ST8SIA1: variants seen among roughly 807,000 people sequenced by gnomAD.
ST8SIA1 encodes ST8 alpha-N-acetyl-neuraminide alpha-2,8-sialyltransferase 1.
In ST8SIA1, 16 loss-of-function variants were observed where a neutral mutation model predicts 35.9. The observed-to-expected ratio is 0.45, with a 90% CI of 0.30 to 0.68. ST8SIA1 has a LOEUF of 0.68. Among genes scored for constraint, ST8SIA1 ranks in the 30% least tolerant of loss-of-function variants. The probability of loss-of-function intolerance (pLI) is 0.09; values close to 1 mark genes in which losing one functional copy is unlikely to be tolerated. For missense variants in ST8SIA1, 383 were observed against 453.6 expected (o/e 0.84, Z 1.41); for synonymous variants, 170 against 169.6 (o/e 1.00, Z -0.02).
At chr12:22,296,640 C>T (rs566070859) in intron 1 of ST8SIA1, among the ~76,000 whole-genome samples, 3 of 152,252 alleles carry the variant, frequency 2.0e-5, no homozygotes, top group South Asian at 2.1e-4. Flanking sequence ...AAATTCTGTT[C>T]GTCTGTTAAT....
chr12:22,203,060 A>G (rs1416861148), intron 4 of ST8SIA1, among the ~76,000 whole-genome samples: 1 of 152,202 alleles, frequency 6.6e-6, no homozygotes. Context: ...GTGACTGCTT[A>G]CAGCACTTAT....
At position 22,309,660 on chromosome 12, in the gene ST8SIA1, G is replaced by C. The variant is rs570344369; in HGVS notation, c.237-22367C>G. 2.0e-5 allele frequency among the ~76,000 whole-genome samples: 3 copies of C among 152,120 alleles called. 1 individual carries two copies. The highest frequency in any genetic ancestry group is 4.1e-4 in the South Asian group (2 of 4,822). The stretch of plus-strand genomic sequence containing the variant: ...AAGTATCTGTTTCTGGCTTCTGGTG[G>C]GAGGCTATGCTTCCAAACCTAGAAG... On this transcript the variant is annotated intron_variant, in intron 1 of 4. Transcript: ENST00000396037.
At chr12:22,307,068 C>T (rs1200429282) in intron 1 of ST8SIA1, among the ~76,000 whole-genome samples, 2 of 151,952 alleles carry the variant, frequency 1.3e-5, no homozygotes, top group Non-Finnish European at 2.9e-5. Context: ...TATTCTTCTG[C>T]CTCCTGCTTG....
chr12:22,267,502 A>C (rs1865862731), intron 2 of ST8SIA1, among the ~76,000 whole-genome samples: 1 of 152,198 alleles, frequency 6.6e-6, no homozygotes, highest in Non-Finnish European at 1.5e-5. Context: ...CTTACTGATA[A>C]AAAGGAAAAT....
At chr12:22,211,307 A>G (rs1485804974) in intron 4 of ST8SIA1, among the ~76,000 whole-genome samples, 1 of 152,158 alleles carries the variant, frequency 6.6e-6, no homozygotes, top group Non-Finnish European at 1.5e-5. Context: ...GCCACTGGTG[A>G]TCACCTCAAC....
At chr12:22,329,316 A>T (rs978843235) in intron 1 of ST8SIA1, among the ~76,000 whole-genome samples, 3 of 152,164 alleles carry the variant, frequency 2.0e-5, no homozygotes, top group Admixed American at 2.0e-4. Flanking sequence ...AAAACAAGGA[A>T]CATACACAAA....
rs970753002 is a variant in ST8SIA1 at position 22,197,058 on chromosome 12, G to C, written c.*4494C>G. 2 of 152,218 alleles carry C rather than the reference G, an allele frequency of 1.3e-5. No individual in the cohort carries two copies. The highest frequency in any genetic ancestry group is 4.8e-5 in the African/African-American group (2 of 41,440). The allele number at this position is 152,218 out of a possible 1,614,324, so 9.4% of individuals were successfully genotyped here. A position where few individuals can be genotyped will look rare whatever the true frequency, so the allele number is the denominator to read the frequency against. ...TCCTCCTAGCACATAGTGGAATGAA[G>C]TTGCTAGTTATGTTTACTGCTGACT... is the stretch of plus-strand genomic sequence containing the variant. On this transcript the variant is annotated 3_prime_UTR_variant, in exon 5 of 5. Transcript: ENST00000396037.
intron 1 of ST8SIA1, chr12:22,325,735 T>C: frequency 1.6e-6 from 1 of 626,272 alleles, no homozygotes; most frequent in Non-Finnish European, 2.8e-6. Flanking sequence ...ATTTATAAAT[T>C]AGGCACAGTA....
At position 22,195,188 on chromosome 12, in the gene ST8SIA1, C is replaced by CAAAAAAAAAAAAAAAAAAAAAAAAAAA. The variant is rs1193617871; in HGVS notation, c.*6363_*6364insTTTTTTTTTTTTTTTTTTTTTTTTTTT. The CAAAAAAAAAAAAAAAAAAAAAAAAAAA allele has an allele frequency of 2.0e-5, 1 of 51,034 alleles. No homozygotes were observed. The highest frequency in any genetic ancestry group is 3.9e-5 in the Non-Finnish European group (1 of 25,826). The allele number at this position is 51,034 out of a possible 1,614,324, so 3.2% of individuals were successfully genotyped here. On this transcript the variant is annotated 3_prime_UTR_variant, in exon 5 of 5. Coordinates refer to ENST00000396037, the MANE Select transcript of ST8SIA1 (RefSeq NM_003034.4). ...ACAAGAGCAAAAAACTCTGTCTCAA[C>CAAAAAAAAAAAAAAAAAAAAAAAAAAA]AAAAAAAAAAAAAAAAAAAAAAAAG...
chr12:22,256,985 A>G (rs1865735626), intron 2 of ST8SIA1, among the ~76,000 whole-genome samples: 1 of 152,196 alleles, frequency 6.6e-6, no homozygotes, highest in Non-Finnish European at 1.5e-5. Context: ...TTTATTCCAC[A>G]AGTATTTACA....
intron 1 of ST8SIA1, among the ~76,000 whole-genome samples, chr12:22,301,068 T>C (rs1341691344): frequency 6.6e-6 from 1 of 152,130 alleles, no homozygotes; most frequent in Non-Finnish European, 1.5e-5. Context: ...TAAATTATTG[T>C]GTGCCACAGA....
At chr12:22,232,408 G>C (rs1029884717) in intron 4 of ST8SIA1, among the ~76,000 whole-genome samples, 1 of 152,172 alleles carries the variant, frequency 6.6e-6, no homozygotes, top group Non-Finnish European at 1.5e-5. Flanking sequence ...CAAGGTTTTT[G>C]AGCTGAGCAA....
At chr12:22,207,533 G>A (rs1865126033) in intron 4 of ST8SIA1, among the ~76,000 whole-genome samples, 2 of 152,312 alleles carry the variant, frequency 1.3e-5, no homozygotes, top group East Asian at 1.9e-4. Flanking sequence ...ACTTGGGGGA[G>A]TGGGGGGCGG....
At position 22,334,095 on chromosome 12, in the gene ST8SIA1, G is replaced by A. The variant is rs1245722304; in HGVS notation, c.138C>T (p.Phe46=). The A allele has an allele frequency of 6.2e-7, 1 of 1,614,052 alleles. No homozygotes were observed. Among genetic ancestry groups the A allele is most frequent in the South Asian group, 1.1e-5 (1 of 91,062 alleles). ...CVVVLCWLYI[F]PVYRLPNEKE... is the part of the protein sequence containing the mutation. ...TCTCGTTGGGCAGCCGGTAGACGGG[G>A]AAGATGTAGAGCCAACAGAGGACCA... Residue 46 remains phenylalanine, a synonymous_variant, in exon 1 of 5, where the codon TTC becomes TTT. Coordinates refer to ENST00000396037, the MANE Select transcript of ST8SIA1 (RefSeq NM_003034.4).
At chr12:22,296,908 G>C (rs1167955663) in intron 1 of ST8SIA1, among the ~76,000 whole-genome samples, 1 of 152,152 alleles carries the variant, frequency 6.6e-6, no homozygotes, top group East Asian at 1.9e-4. Context: ...TGGGCTTTTA[G>C]ACATGTGCGC....
intron 1 of ST8SIA1, among the ~76,000 whole-genome samples, chr12:22,290,141 G>A (rs1591846039): frequency 6.6e-6 from 1 of 152,130 alleles, no homozygotes; most frequent in Non-Finnish European, 1.5e-5. Context: ...AATTCACAGC[G>A]ATCATACCAC....
At chr12:22,298,758 A>G (rs1866279420) in intron 1 of ST8SIA1, among the ~76,000 whole-genome samples, 1 of 152,142 alleles carries the variant, frequency 6.6e-6, no homozygotes, top group Non-Finnish European at 1.5e-5. Flanking sequence ...TCATCCACCC[A>G]TTATCCCTCA....
Position 22,197,409 on chromosome 12 carries a change from C to G in ST8SIA1, c.*4143G>C, listed in dbSNP as rs914714268. 3.3e-5 allele frequency: 5 copies of G among 152,152 alleles called. No homozygotes were observed. Among genetic ancestry groups the G allele is most frequent in the African/African-American group, 9.7e-5 (4 of 41,438 alleles). 9.4% of individuals were successfully genotyped at this position (152,152 alleles called of 1,614,324 possible). ...AGTGGACTGGTAACATTCCCCTCCC[C>G]CTTAGGTCCCTCCTAACAAGTATTT... On this transcript the variant is annotated 3_prime_UTR_variant, in exon 5 of 5. Coordinates refer to ENST00000396037, the MANE Select transcript of ST8SIA1 (RefSeq NM_003034.4).
chr12:22,313,762 G>A (rs368143542), intron 1 of ST8SIA1, among the ~76,000 whole-genome samples: 4 of 152,274 alleles, frequency 2.6e-5, no homozygotes, highest in African/African-American at 7.2e-5. Flanking sequence ...TGTCTATGGA[G>A]CCATGAGCAT....
Sources: gnomAD v4.1 joint callset for allele counts (sites outside exome capture counted in the v4.1 genomes callset) on GRCh38, gnomAD v4.1.1 for gene constraint, MANE v1.5 for transcripts, NCBI Gene and HGNC (gene_info 2026-07-23, HGNC 2026-07-21) for gene names.